Variants in DDR2 observed in about 807,000 individuals in gnomAD.
The protein encoded by DDR2 is discoidin domain-containing receptor 2.
DDR2 carries 27 observed loss-of-function variants against 94.9 expected under a neutral mutation model. That is an observed-to-expected ratio of 0.28 (90% CI 0.21 to 0.39). The LOEUF is 0.39. Among genes scored for constraint, DDR2 ranks in the 10% least tolerant of loss-of-function variants. The probability of loss-of-function intolerance (pLI) is 1.00; values close to 1 mark genes in which losing one functional copy is unlikely to be tolerated. For missense variants in DDR2, 783 were observed against 1,076.0 expected, an observed-to-expected ratio of 0.73 and a Z score of 3.81; for synonymous variants, 382 against 377.2, an observed-to-expected ratio of 1.01 and a Z score of -0.15.
In DDR2 at chr1:162,699,018, G is replaced by A. The variant is rs76430726; in HGVS notation, c.-27-20019G>A. On this transcript the variant is annotated intron_variant, in intron 2 of 17. Coordinates refer to ENST00000367921, the MANE Select transcript of DDR2 (RefSeq NM_006182.4). The stretch of plus-strand genomic sequence containing the variant: ...AAAATTGGGATTGTCTATACTATAA[G>A]GATATTCTCTGGGACTTACGCTTAT... 1.6e-3 allele frequency among the ~76,000 whole-genome samples: 239 copies of A among 152,312 alleles called. 5 individuals are homozygous for A. The East Asian group carries it at 0.034, about 22-fold the overall frequency.
intron 2 of DDR2, 66 bp from the exon 3 acceptor site, chr1:162,718,971 C>T (rs1002671859): frequency 1.4e-6 from 2 of 1,462,354 alleles, no homozygotes; most frequent in Admixed American, 1.7e-5. Context: ...TTCATGTTGG[C>T]AGTATCTGCC....
intron 2 of DDR2, among the ~76,000 whole-genome samples, chr1:162,657,524 T>C (rs1658055455): frequency 6.6e-6 from 1 of 152,322 alleles, no homozygotes; most frequent in South Asian, 2.1e-4. Flanking sequence ...CACCTGCTTT[T>C]CAAAGATCTT....
intron 16 of DDR2, 83 bp downstream of exon 16, chr1:162,776,453 A>G (rs1283564141): frequency 6.2e-6 from 8 of 1,288,942 alleles, no homozygotes; most frequent in East Asian, 4.6e-5. Context: ...AACCTGAGAC[A>G]GCAGGAGGCA....
chr1:162,758,797 C>T (rs142854165), intron 7 of DDR2, among the ~76,000 whole-genome samples: 210 of 152,158 alleles, frequency 1.4e-3, no homozygotes, highest in Non-Finnish European at 2.7e-3. Flanking sequence ...AGGGTCACAC[C>T]AATTATTGCT....
intron 2 of DDR2, among the ~76,000 whole-genome samples, chr1:162,668,226 C>T (rs539523928): frequency 6.6e-6 from 1 of 152,158 alleles, no homozygotes; most frequent in Non-Finnish European, 1.5e-5. Context: ...TATTGGAAAG[C>T]CACTGGAAGT....
intron 4 of DDR2, 77 bp from the exon 5 acceptor site, chr1:162,754,547 G>A: frequency 6.9e-7 from 1 of 1,453,456 alleles, no homozygotes; most frequent in Middle Eastern, 2.0e-4. Flanking sequence ...GTACAGGGCA[G>A]CTGCTTGCCT....
At chr1:162,755,850 A>C in intron 7 of DDR2, 81 bp downstream of exon 7, 2 of 1,213,212 alleles carry the variant, frequency 1.6e-6, no homozygotes, top group Non-Finnish European at 2.4e-6. Context: ...GGGATCAATA[A>C]TCAATCAACC....
chr1:162,767,029 A>AC (rs1466846213), intron 10 of DDR2, among the ~76,000 whole-genome samples, 200 bp from the exon 11 acceptor site: 3 of 11,032 alleles, frequency 2.7e-4, no homozygotes, highest in Admixed American at 4.3e-3. Flanking sequence ...ACTCTATCTC[A>AC]GGAAAAAAAA....
At chr1:162,765,920 G>C in intron 9 of DDR2, 81 bp from the exon 10 acceptor site, 1 of 1,250,704 alleles carries the variant, frequency 8.0e-7, no homozygotes, top group Non-Finnish European at 1.2e-6. Context: ...CTTGTAATGT[G>C]CTAGGTCACA....
At position 162,664,417 on chromosome 1, in the gene DDR2, C is replaced by T. The variant is rs7549629; in HGVS notation, c.-28+9043C>T. On this transcript the variant is annotated intron_variant, in intron 2 of 17. Coordinates refer to ENST00000367921, the MANE Select transcript of DDR2 (RefSeq NM_006182.4). ...ACTCTAAGGAATACCCTGAAAAGGA[C>T]AAAATCTATACACAAAGATTATACA... 2.4e-3 allele frequency among the ~76,000 whole-genome samples: 365 copies of T among 152,120 alleles called. 1 individual carries two copies. The highest frequency in any genetic ancestry group is 8.1e-3 in the African/African-American group (337 of 41,494).
At chr1:162,691,401 G>A (rs1008824754) in intron 2 of DDR2, among the ~76,000 whole-genome samples, 1 of 152,208 alleles carries the variant, frequency 6.6e-6, no homozygotes, top group African/African-American at 2.4e-5. Flanking sequence ...CATGACAAAG[G>A]AATGCAACCT....
intron 1 of DDR2, among the ~76,000 whole-genome samples, chr1:162,638,273 G>A (rs1186662008): frequency 2.6e-5 from 4 of 152,062 alleles, no homozygotes; most frequent in Non-Finnish European, 4.4e-5. Flanking sequence ...CACCTGCCTC[G>A]GCCTCCCAAA....
intron 9 of DDR2, among the ~76,000 whole-genome samples, chr1:162,763,073 G>A (rs1393659926): frequency 6.6e-6 from 1 of 152,028 alleles, no homozygotes; most frequent in African/African-American, 2.4e-5. Context: ...CTGACCTCAA[G>A]TGATCCGCCT....
chr1:162,676,689 G>A (rs528837444), intron 2 of DDR2, among the ~76,000 whole-genome samples: 3 of 152,196 alleles, frequency 2.0e-5, no homozygotes, highest in Non-Finnish European at 2.9e-5. Context: ...AATACTTTGG[G>A]GGAGCCAGTG....
At chr1:162,684,595 A>T (rs1659577255) in intron 2 of DDR2, among the ~76,000 whole-genome samples, 2 of 152,132 alleles carry the variant, frequency 1.3e-5, no homozygotes. Flanking sequence ...AACTTCTGAG[A>T]AGTCTGTGAA....
intron 2 of DDR2, among the ~76,000 whole-genome samples, chr1:162,681,906 A>G (rs975758961): frequency 6.6e-6 from 1 of 152,210 alleles, no homozygotes; most frequent in East Asian, 1.9e-4. Context: ...AATTGTGTAT[A>G]GACTTTCATG....
intron 2 of DDR2, among the ~76,000 whole-genome samples, chr1:162,711,018 T>A (rs1299375836): frequency 6.6e-6 from 1 of 152,158 alleles, no homozygotes; most frequent in African/African-American, 2.4e-5. Context: ...AAATCTGAAT[T>A]TTCATTCTTC....
chr1:162,708,525 G>T (rs984086130), intron 2 of DDR2, among the ~76,000 whole-genome samples: 1 of 152,150 alleles, frequency 6.6e-6, no homozygotes, highest in African/African-American at 2.4e-5. Context: ...GGTTCTTGAG[G>T]TATGAGCACT....
At chr1:162,666,091 A>G (rs1658543991) in intron 2 of DDR2, among the ~76,000 whole-genome samples, 2 of 152,216 alleles carry the variant, frequency 1.3e-5, no homozygotes, top group African/African-American at 4.8e-5. Flanking sequence ...AAACGCCAAG[A>G]GCATCTTTGC....
Sources: allele counts gnomAD v4.1 joint callset (sites outside exome capture counted in the v4.1 genomes callset), GRCh38; gene constraint gnomAD v4.1.1; transcripts MANE v1.5; gene names NCBI Gene and HGNC (gene_info 2026-07-23, HGNC 2026-07-21).